The following C10orf90 variants were observed in gnomAD, a reference collection of about 807,000 sequenced individuals.
C10orf90 encodes (E2-independent) E3 ubiquitin-conjugating enzyme FATS.
A neutral mutation model predicts 62.5 loss-of-function variants in C10orf90; 56 were observed. The ratio of observed to expected loss-of-function variants is 0.90; its 90% CI spans 0.72 to 1.12. C10orf90 has a LOEUF of 1.12. C10orf90 is among the 50% of genes most tolerant of loss of function. C10orf90 has a pLI of 0.00. For missense variants in C10orf90, 970 were observed against 880.4 expected (o/e 1.10, Z -1.29); for synonymous variants, 386 against 340.4 (o/e 1.13, Z -1.47).
chr10:126,566,410 G>C (rs1370868632), intron 2 of C10orf90, among the ~76,000 whole-genome samples: 4 of 152,110 alleles, frequency 2.6e-5, no homozygotes, highest in African/African-American at 9.7e-5. Context: ...AGGCCTTCAG[G>C]GAACAAGAAA....
chr10:126,554,925 T>C (rs1864725278), intron 2 of C10orf90, among the ~76,000 whole-genome samples: 2 of 152,202 alleles, frequency 1.3e-5, no homozygotes, highest in South Asian at 2.1e-4. Flanking sequence ...AACCTGGGCA[T>C]TGAAGAAGCA....
intron 2 of C10orf90, among the ~76,000 whole-genome samples, chr10:126,562,758 G>A (rs959936544): frequency 6.6e-6 from 1 of 152,200 alleles, no homozygotes; most frequent in Non-Finnish European, 1.5e-5. Context: ...CAATATCCAG[G>A]GAGCAGAGCC....
intron 3 of C10orf90, among the ~76,000 whole-genome samples, chr10:126,506,485 C>T (rs1023925401): frequency 2.6e-5 from 4 of 152,222 alleles, no homozygotes; most frequent in Admixed American, 1.3e-4. Flanking sequence ...GCTTTGGGGG[C>T]CTGAGGGCAT....
chr10:126,632,404 C>T (rs1232001320), intron 2 of C10orf90, among the ~76,000 whole-genome samples: 3 of 151,858 alleles, frequency 2.0e-5, no homozygotes, highest in African/African-American at 7.3e-5. Context: ...CCATCTTAGG[C>T]ATGAGCAATT....
At position 126,492,948 on chromosome 10, in the gene C10orf90, A is replaced by G. The variant is rs553895598; in HGVS notation, c.1534+11009T>C. On this transcript the variant is annotated intron_variant, in intron 4 of 9. Transcript: ENST00000488181. ...CTCACATTTTTCTCTAAGGACATTT[A>G]TCAACACATTGCTATAAAAATGTAA... Among the ~76,000 whole-genome samples the G allele has an allele frequency of 2.6e-5, 4 of 152,332 alleles. No individual in the cohort carries two copies. In the East Asian group the frequency reaches 7.7e-4, roughly 29 times the overall value.
intron 2 of C10orf90, among the ~76,000 whole-genome samples, chr10:126,606,035 TAGA>T (rs1321088447): frequency 2.6e-5 from 4 of 152,132 alleles, no homozygotes; most frequent in African/African-American, 9.7e-5. Context: ...TGAAATTAAA[TAGA>T]AGAAATAGCT....
At chr10:126,614,329 T>A (rs1845497556) in intron 2 of C10orf90, among the ~76,000 whole-genome samples, 1 of 152,126 alleles carries the variant, frequency 6.6e-6, no homozygotes, top group Non-Finnish European at 1.5e-5. Flanking sequence ...CAATGTCTAG[T>A]CACCATTAAG....
chr10:126,605,253 G>A (rs139809509), intron 2 of C10orf90, among the ~76,000 whole-genome samples: 1 of 152,354 alleles, frequency 6.6e-6, no homozygotes, highest in Non-Finnish European at 1.5e-5. Flanking sequence ...GGTGCGCCAA[G>A]CCAAAGGAAA....
At chr10:126,627,229 A>G (rs1845764118) in intron 2 of C10orf90, among the ~76,000 whole-genome samples, 1 of 151,938 alleles carries the variant, frequency 6.6e-6, no homozygotes, top group Non-Finnish European at 1.5e-5. Context: ...TAGACTCCTG[A>G]TCTCAAGTAA....
intron 7 of C10orf90, among the ~76,000 whole-genome samples, chr10:126,446,892 G>A (rs1042558413): frequency 6.6e-6 from 1 of 152,074 alleles, no homozygotes; most frequent in Non-Finnish European, 1.5e-5. Context: ...AATGTGAGGA[G>A]AGGAAGTAAA....
At chr10:126,524,663 C>A in intron 2 of C10orf90, 1 of 986,098 alleles carries the variant, frequency 1.0e-6, no homozygotes, top group Non-Finnish European at 1.2e-6. Context: ...CAGATCCCAC[C>A]TGGCCACTCA....
intron 4 of C10orf90, chr10:126,502,906 C>T (rs1358640011): frequency 1.1e-5 from 5 of 475,220 alleles, no homozygotes; most frequent in African/African-American, 2.0e-5. Flanking sequence ...AATCTCTGAG[C>T]ATTCAATATT....
chr10:126,500,902 CCT>C (rs1276838227), intron 4 of C10orf90, among the ~76,000 whole-genome samples: 7 of 152,126 alleles, frequency 4.6e-5, no homozygotes, highest in African/African-American at 1.4e-4. Context: ...AATTGCTTTG[CCT>C]CTGTTTGTAG....
intron 7 of C10orf90, 28 bp from the exon 8 acceptor site, chr10:126,429,878 T>C: frequency 6.4e-7 from 1 of 1,571,010 alleles, no homozygotes; most frequent in Non-Finnish European, 8.8e-7. Context: ...AGAATTAAGT[T>C]CAGAAGGCAT....
Position 126,442,478 on chromosome 10 carries a change from CATATATATATATATAT to C in C10orf90, c.2189-12644_2189-12629del, listed in dbSNP as rs55780866. On this transcript the variant is annotated intron_variant, in intron 7 of 9. Transcript: ENST00000488181. ...ATAATAGTAGGGAACTTCAATATTT[CATATATATATATATAT>C]ATATATATATATATCTGTTAAGTCC... Among the ~76,000 whole-genome samples the C allele has an allele frequency of 8.0e-4, 27 of 33,806 alleles. 4 individuals carry two copies. The highest frequency in any genetic ancestry group is 5.9e-3 in the South Asian group (6 of 1,024). The allele number at this position is 33,806 out of a possible 152,430, so 22.2% of individuals were successfully genotyped here. A position where few individuals can be genotyped will look rare whatever the true frequency, so the allele number is the denominator to read the frequency against.
intron 4 of C10orf90, among the ~76,000 whole-genome samples, chr10:126,486,831 G>A (rs1861459589): frequency 6.6e-6 from 1 of 152,012 alleles, no homozygotes; most frequent in African/African-American, 2.4e-5. Flanking sequence ...AAATGGGAAA[G>A]ACAGGTTAGA....
At position 126,647,636 on chromosome 10, in the gene C10orf90, A is replaced by G. The variant is rs114715280; in HGVS notation, c.241-999T>C. ...GCTGAGAGCCAGAGAGTTATTTTCTACCATCTCTGCCCCTCCCCATGGCTC... is the reference window on the plus strand; with the variant it reads ...GCTGAGAGCCAGAGAGTTATTTTCTGCCATCTCTGCCCCTCCCCATGGCTC... On this transcript the variant is annotated intron_variant, in intron 1 of 9. Transcript: ENST00000488181. Among the ~76,000 whole-genome samples, 1,174 of 152,236 alleles carry G rather than the reference A, an allele frequency of 7.7e-3. 8 individuals carry two copies. The highest frequency in any genetic ancestry group is 0.026 in the African/African-American group (1,062 of 41,556).
At chr10:126,493,981 GC>G (rs751684184) in intron 4 of C10orf90, among the ~76,000 whole-genome samples, 4 of 152,214 alleles carry the variant, frequency 2.6e-5, no homozygotes, top group South Asian at 2.1e-4. Context: ...ACTGTTCACA[GC>G]TTTTTTGGCT....
intron 7 of C10orf90, among the ~76,000 whole-genome samples, chr10:126,454,212 G>A (rs1859386213): frequency 1.3e-5 from 2 of 151,912 alleles, no homozygotes; most frequent in Admixed American, 1.3e-4. Flanking sequence ...TACTTGCAGG[G>A]GATATACCCC....
Sources: allele counts gnomAD v4.1 joint callset (sites outside exome capture counted in the v4.1 genomes callset), GRCh38; gene constraint gnomAD v4.1.1; transcripts MANE v1.5; gene names NCBI Gene and HGNC (gene_info 2026-07-23, HGNC 2026-07-21).